The following CDH4 variants were observed in gnomAD, a reference collection of about 807,000 sequenced individuals.
CDH4 encodes cadherin-4.
Under a neutral mutation model 86.0 loss-of-function variants are expected in CDH4, and 33 were observed. That is an observed-to-expected ratio of 0.38 (90% CI 0.29 to 0.51). The LOEUF (loss-of-function observed/expected upper bound fraction) is 0.51, where lower values mean the gene tolerates loss of function less well. Ranked by LOEUF, CDH4 falls within the 20% of genes least tolerant of loss-of-function variation. The pLI, the probability that CDH4 is intolerant of heterozygous loss-of-function variation, is 0.86. For missense variants in CDH4, 1,114 were observed against 1,307.4 expected (o/e 0.85, Z 2.28); for synonymous variants, 555 against 549.4 (o/e 1.01, Z -0.14).
intron 2 of CDH4, among the ~76,000 whole-genome samples, chr20:61,625,218 C>A (rs2086819411): frequency 6.6e-6 from 1 of 152,172 alleles, no homozygotes; most frequent in Admixed American, 6.5e-5. Context: ...CAGAGGCACC[C>A]GGACCCAGGC....
At chr20:61,254,712 G>A in intron 1 of CDH4, 114 bp from the exon 2 acceptor site, 3 of 740,236 alleles carry the variant, frequency 4.1e-6, no homozygotes, top group Non-Finnish European at 7.2e-6. Flanking sequence ...ACGGTGGCCT[G>A]CCAGCCTTTC....
chr20:61,763,760 A>G (rs935362515), intron 3 of CDH4, among the ~76,000 whole-genome samples: 1 of 152,130 alleles, frequency 6.6e-6, no homozygotes, highest in African/African-American at 2.4e-5. Context: ...GTGTTTTAGC[A>G]TTCCCTTCAC....
intron 2 of CDH4, among the ~76,000 whole-genome samples, chr20:61,462,734 A>T (rs565387625): frequency 6.6e-6 from 1 of 152,020 alleles, no homozygotes; most frequent in Non-Finnish European, 1.5e-5. Flanking sequence ...CTTTTTCACA[A>T]TCCCAGGTCT....
intron 2 of CDH4, among the ~76,000 whole-genome samples, chr20:61,655,779 C>A (rs536598180): frequency 1.3e-5 from 2 of 152,356 alleles, no homozygotes; most frequent in African/African-American, 4.8e-5. Flanking sequence ...CAGCACAAGT[C>A]CCTGTCCTCA....
At chr20:61,618,209 G>C (rs2086741451) in intron 2 of CDH4, among the ~76,000 whole-genome samples, 1 of 152,058 alleles carries the variant, frequency 6.6e-6, no homozygotes, top group South Asian at 2.1e-4. Context: ...GGGTGGCCCG[G>C]TTCTTGTTTT....
chr20:61,436,256 A>C (rs1568844013), intron 2 of CDH4, among the ~76,000 whole-genome samples: 1 of 152,124 alleles, frequency 6.6e-6, no homozygotes, highest in Non-Finnish European at 1.5e-5. Context: ...ATTCCATTTC[A>C]ACCCCACTGG....
At chr20:61,275,569 T>C (rs572187927) in intron 2 of CDH4, among the ~76,000 whole-genome samples, 10 of 125,106 alleles carry the variant, frequency 8.0e-5, no homozygotes, top group African/African-American at 3.2e-4. Flanking sequence ...GGGAGTACCC[T>C]GCGCAGTTTG....
chr20:61,253,886 C>T (rs541103193), intron 1 of CDH4, among the ~76,000 whole-genome samples: 148 of 152,300 alleles, frequency 9.7e-4, no homozygotes, highest in East Asian at 5.3e-3. Flanking sequence ...CGGGCTGCAC[C>T]CGAGGCTTCC....
intron 6 of CDH4, among the ~76,000 whole-genome samples, chr20:61,864,629 C>G (rs1468861979): frequency 6.6e-6 from 1 of 152,192 alleles, no homozygotes; most frequent in Non-Finnish European, 1.5e-5. Context: ...CCGCAGCTCC[C>G]TCTCCAGGAC....
intron 2 of CDH4, among the ~76,000 whole-genome samples, chr20:61,473,356 A>T (rs2085516908): frequency 6.6e-6 from 1 of 152,194 alleles, no homozygotes; most frequent in Non-Finnish European, 1.5e-5. Context: ...GATCCTTAAC[A>T]GCAGGCTCTG....
At chr20:61,880,915 C>T (rs759880695) in intron 7 of CDH4, among the ~76,000 whole-genome samples, 1 of 152,220 alleles carries the variant, frequency 6.6e-6, no homozygotes. Context: ...GCCCCCCAGG[C>T]CCCAGGAGGG....
intron 2 of CDH4, among the ~76,000 whole-genome samples, chr20:61,711,295 A>G (rs776040050): frequency 6.6e-6 from 1 of 152,200 alleles, no homozygotes; most frequent in Non-Finnish European, 1.5e-5. Context: ...AGGCCTCCCC[A>G]GCCATGCTGA....
At chr20:61,430,303 G>A (rs2085239374) in intron 2 of CDH4, among the ~76,000 whole-genome samples, 1 of 152,210 alleles carries the variant, frequency 6.6e-6, no homozygotes, top group Non-Finnish European at 1.5e-5. Flanking sequence ...GCAGAGAAGG[G>A]GGCGATATGT....
chr20:61,883,257 C>T (rs1303297796), intron 7 of CDH4, among the ~76,000 whole-genome samples: 1 of 152,086 alleles, frequency 6.6e-6, no homozygotes, highest in African/African-American at 2.4e-5. Flanking sequence ...TGCCCTGTCC[C>T]TCTCTCCTGC....
chr20:61,874,487 C>T (rs538505007), intron 7 of CDH4, among the ~76,000 whole-genome samples: 8 of 152,196 alleles, frequency 5.3e-5, no homozygotes, highest in Non-Finnish European at 1.2e-4. Context: ...GGCCTCCCTC[C>T]ACCCCTTCAT....
intron 2 of CDH4, among the ~76,000 whole-genome samples, chr20:61,520,513 C>G (rs934292802): frequency 1.3e-5 from 2 of 152,198 alleles, no homozygotes; most frequent in Non-Finnish European, 2.9e-5. Flanking sequence ...TCTGTCAGGC[C>G]AGCGCTTAGC....
intron 7 of CDH4, among the ~76,000 whole-genome samples, chr20:61,885,454 G>T (rs548741465): frequency 6.6e-6 from 1 of 152,146 alleles, no homozygotes; most frequent in African/African-American, 2.4e-5. Flanking sequence ...GTGGTAGTTC[G>T]TGTCTGCGTT....
chr20:61,859,545 G>A (rs762432975), intron 6 of CDH4, among the ~76,000 whole-genome samples: 1 of 152,232 alleles, frequency 6.6e-6, no homozygotes, highest in African/African-American at 2.4e-5. Context: ...TTAGGTCCAT[G>A]ATTCATTTTG....
In CDH4 at chr20:61,582,212, T is replaced by C. The variant is rs1169462838; in HGVS notation, c.170-161351T>C. On this transcript the variant is annotated intron_variant, in intron 2 of 15. Transcript: ENST00000614565. This position sits in a 1 kb window ranked among gnomAD's most constrained non-coding sequence, Gnocchi z 4.2. ...TCCCAGGCCTGACCTCTGCAGCTTCTTCCTAATGCCGCCTCCCCACCTCCA... is the reference window on the plus strand; with the variant it reads ...TCCCAGGCCTGACCTCTGCAGCTTCCTCCTAATGCCGCCTCCCCACCTCCA... 1.3e-5 allele frequency among the ~76,000 whole-genome samples: 2 copies of C among 152,216 alleles called. No homozygotes were observed. Among genetic ancestry groups the C allele is most frequent in the Non-Finnish European group, 2.9e-5 (2 of 68,032 alleles).
Sources: allele counts gnomAD v4.1 joint callset (sites outside exome capture counted in the v4.1 genomes callset), GRCh38; gene constraint gnomAD v4.1.1; non-coding constraint Gnocchi (gnomAD v3.1); transcripts MANE v1.5; gene names NCBI Gene and HGNC (gene_info 2026-07-23, HGNC 2026-07-21).